CSMD1: variants seen among roughly 807,000 people sequenced by gnomAD.
CSMD1 encodes the protein CUB and Sushi multiple domains 1.
A neutral mutation model predicts 417.5 loss-of-function variants in CSMD1; 213 were observed. The observed-to-expected ratio is 0.51, with a 90% CI of 0.46 to 0.57. CSMD1 has a LOEUF of 0.57. Ranked by LOEUF, CSMD1 falls within the 20% of genes least tolerant of loss-of-function variation. The pLI, the probability that CSMD1 is intolerant of heterozygous loss-of-function variation, is 0.00. For missense variants in CSMD1, 6,923 were observed against 4,529.7 expected (o/e 1.53, Z -15.17); for synonymous variants, 2,862 against 1,736.8 (o/e 1.65, Z -16.11).
intron 1 of CSMD1, among the ~76,000 whole-genome samples, chr8:4,747,272 A>T (rs1393870875): frequency 6.6e-6 from 1 of 152,168 alleles, no homozygotes; most frequent in Non-Finnish European, 1.5e-5. Flanking sequence ...AGTATTGAAA[A>T]CAAGCCCTAT....
At chr8:4,130,325 G>T (rs1009919943) in intron 3 of CSMD1, among the ~76,000 whole-genome samples, 1 of 152,042 alleles carries the variant, frequency 6.6e-6, no homozygotes, top group Non-Finnish European at 1.5e-5. Flanking sequence ...TATGCCTAAG[G>T]TCTTCTATTC....
At chr8:3,832,777 T>C (rs1802450949) in intron 5 of CSMD1, among the ~76,000 whole-genome samples, 2 of 152,114 alleles carry the variant, frequency 1.3e-5, no homozygotes, top group South Asian at 4.1e-4. Flanking sequence ...TAACTTTCCA[T>C]CTGATCCAGA....
At chr8:4,591,597 C>G (rs984557241) in intron 2 of CSMD1, among the ~76,000 whole-genome samples, 1 of 152,038 alleles carries the variant, frequency 6.6e-6, no homozygotes, top group East Asian at 1.9e-4. Context: ...AAGCAGCTTT[C>G]CAAGGGTAGT....
intron 48 of CSMD1, among the ~76,000 whole-genome samples, chr8:3,091,022 A>G (rs961203089): frequency 1.3e-5 from 2 of 152,090 alleles, no homozygotes; most frequent in Non-Finnish European, 2.9e-5. Flanking sequence ...ATATATATTA[A>G]ACATATATTT....
chr8:4,689,406 G>A (rs369850134), intron 1 of CSMD1, among the ~76,000 whole-genome samples: 13 of 152,034 alleles, frequency 8.6e-5, no homozygotes, highest in Admixed American at 3.9e-4. Flanking sequence ...TTGTCTATAT[G>A]TTTCATAAGA....
At chr8:4,042,874 T>A (rs1797963974) in intron 3 of CSMD1, among the ~76,000 whole-genome samples, 2 of 126,566 alleles carry the variant, frequency 1.6e-5, no homozygotes, top group Non-Finnish European at 3.2e-5. Context: ...ATGCCTATAA[T>A]CCCAGTACTT....
At chr8:3,939,578 G>C (rs147600306) in intron 5 of CSMD1, among the ~76,000 whole-genome samples, 1 of 152,104 alleles carries the variant, frequency 6.6e-6, no homozygotes, top group Non-Finnish European at 1.5e-5. Flanking sequence ...CATGTTTATA[G>C]CAGCACAATT....
At chr8:3,188,094 A>G (rs995914018) in intron 35 of CSMD1, 129 bp from the exon 36 acceptor site, 4 of 298,326 alleles carry the variant, frequency 1.3e-5, no homozygotes, top group Admixed American at 4.8e-5. Flanking sequence ...ATATGTATAT[A>G]TATATACATA....
At chr8:4,752,546 G>C (rs1168554051) in intron 1 of CSMD1, among the ~76,000 whole-genome samples, 3 of 152,124 alleles carry the variant, frequency 2.0e-5, no homozygotes, top group Non-Finnish European at 4.4e-5. Context: ...TTAAAACTCT[G>C]TACCCAGATG....
chr8:4,942,063 A>G (rs2117240980), intron 1 of CSMD1, among the ~76,000 whole-genome samples: 1 of 152,324 alleles, frequency 6.6e-6, no homozygotes, highest in South Asian at 2.1e-4. Context: ...TTCTACTTTA[A>G]GAATCTCTCT....
chr8:4,794,882 T>C (rs563792643), intron 1 of CSMD1, among the ~76,000 whole-genome samples: 5 of 152,072 alleles, frequency 3.3e-5, no homozygotes, highest in Non-Finnish European at 5.9e-5. Context: ...TGACTGCAGA[T>C]TGCAGGTGGC....
chr8:3,700,778 G>A (rs1053956547), intron 7 of CSMD1: 1 of 152,364 alleles, frequency 6.6e-6, no homozygotes, highest in African/African-American at 2.4e-5. Flanking sequence ...AAACCAAGAG[G>A]ACCAGGATGC....
intron 11 of CSMD1, among the ~76,000 whole-genome samples, chr8:3,481,523 C>G (rs1817749682): frequency 6.6e-6 from 1 of 152,190 alleles, no homozygotes; most frequent in African/African-American, 2.4e-5. Flanking sequence ...CTGTCCAATC[C>G]TGCTCTCACT....
At chr8:4,517,336 C>G (rs1177589778) in intron 2 of CSMD1, among the ~76,000 whole-genome samples, 2 of 152,140 alleles carry the variant, frequency 1.3e-5, no homozygotes, top group Non-Finnish European at 2.9e-5. Context: ...TGTGATTGCA[C>G]CAGTTGCTAA....
At chr8:4,949,292 C>T (rs182076832) in intron 1 of CSMD1, among the ~76,000 whole-genome samples, 104 of 138,780 alleles carry the variant, frequency 7.5e-4, no homozygotes, top group Non-Finnish European at 1.3e-3. Flanking sequence ...CTATGGTATG[C>T]GTAGCTGTTT....
At chr8:3,510,619 A>C (rs1431568303) in intron 10 of CSMD1, among the ~76,000 whole-genome samples, 1 of 151,862 alleles carries the variant, frequency 6.6e-6, no homozygotes, top group Non-Finnish European at 1.5e-5. Flanking sequence ...ACTCTCTTGC[A>C]GAAGAATAAC....
At chr8:3,548,660 AC>A (rs1798779015) in intron 10 of CSMD1, among the ~76,000 whole-genome samples, 1 of 16,126 alleles carries the variant, frequency 6.2e-5, no homozygotes, top group African/African-American at 1.8e-4. Flanking sequence ...ATTCCATCAT[AC>A]ACACACACAC....
chr8:4,090,111 T>G (rs779224700), intron 3 of CSMD1, among the ~76,000 whole-genome samples: 6 of 152,224 alleles, frequency 3.9e-5, no homozygotes, highest in Admixed American at 1.3e-4. Context: ...TTTGCTATGT[T>G]TAACTCTGGA....
At chr8:4,309,534 A>T (rs1321549249) in intron 3 of CSMD1, among the ~76,000 whole-genome samples, 1 of 152,172 alleles carries the variant, frequency 6.6e-6, no homozygotes, top group Non-Finnish European at 1.5e-5. Flanking sequence ...TAACACAGAC[A>T]AAGTATAAAT....
Sources: gnomAD v4.1 joint callset for allele counts (sites outside exome capture counted in the v4.1 genomes callset) on GRCh38, gnomAD v4.1.1 for gene constraint, MANE v1.5 for transcripts, NCBI Gene and HGNC (gene_info 2026-07-23, HGNC 2026-07-21) for gene names.